The following EYA2 variants were observed in gnomAD, a reference collection of about 807,000 sequenced individuals.
EYA2 encodes the protein EYA transcriptional coactivator and phosphatase 2.
Under a neutral mutation model 69.2 loss-of-function variants are expected in EYA2, and 31 were observed. The observed-to-expected ratio is 0.45, with a 90% CI of 0.34 to 0.60. The LOEUF (loss-of-function observed/expected upper bound fraction) is 0.60, where lower values mean the gene tolerates loss of function less well. Ranked by LOEUF, EYA2 falls within the 20% of genes least tolerant of loss-of-function variation. The pLI is 0.02. For synonymous variants in EYA2, 257 were observed against 279.4 expected, an observed-to-expected ratio of 0.92 and a Z score of 0.80; for missense variants, 622 against 701.2, an observed-to-expected ratio of 0.89 and a Z score of 1.28.
chr20:46,999,954 T>C (rs1982254260), intron 2 of EYA2, among the ~76,000 whole-genome samples: 1 of 152,200 alleles, frequency 6.6e-6, no homozygotes, highest in African/African-American at 2.4e-5. Context: ...ATAGTCAACC[T>C]CTAAGTGAAT....
At chr20:46,987,927 T>C (rs182673957) in intron 1 of EYA2, among the ~76,000 whole-genome samples, 727 of 22,524 alleles carry the variant, frequency 0.032, 57 homozygotes, top group South Asian at 0.052. Flanking sequence ...TCTCTCTCTC[T>C]CTCTCTCTCT....
At chr20:46,928,611 A>G (rs919686805) in intron 1 of EYA2, among the ~76,000 whole-genome samples, 14 of 152,238 alleles carry the variant, frequency 9.2e-5, no homozygotes, top group African/African-American at 3.4e-4. Flanking sequence ...GCCTGGGCCC[A>G]TCACCACCCC....
intron 12 of EYA2, among the ~76,000 whole-genome samples, chr20:47,174,541 C>G (rs1320392637): frequency 6.6e-6 from 1 of 152,180 alleles, no homozygotes; most frequent in Non-Finnish European, 1.5e-5. Flanking sequence ...TCTACTGTCC[C>G]TGGAGCTTTC....
intron 1 of EYA2, among the ~76,000 whole-genome samples, chr20:46,945,291 C>G (rs1285653024): frequency 6.6e-6 from 1 of 152,142 alleles, no homozygotes; most frequent in Admixed American, 6.5e-5. Context: ...AGGACAGTGC[C>G]TGGCAGTTCG....
At chr20:47,064,974 G>A (rs570236686) in intron 5 of EYA2, among the ~76,000 whole-genome samples, 5 of 152,276 alleles carry the variant, frequency 3.3e-5, no homozygotes, top group South Asian at 2.1e-4. Context: ...ACATGGCTGC[G>A]GAGGCCTCAC....
chr20:47,144,185 G>A (rs925991258), intron 10 of EYA2, among the ~76,000 whole-genome samples: 2 of 151,992 alleles, frequency 1.3e-5, no homozygotes, highest in South Asian at 2.1e-4. Context: ...GCGAAACCCC[G>A]TCTCTACTAA....
At chr20:46,992,039 A>G (rs112099691) in intron 2 of EYA2, among the ~76,000 whole-genome samples, 2,407 of 136,924 alleles carry the variant, frequency 0.018, 56 homozygotes, top group African/African-American at 0.06. Context: ...GGCTGCCACC[A>G]GTAGGAGCTG....
chr20:46,985,054 TAAAAC>T (rs1001313838), intron 1 of EYA2, among the ~76,000 whole-genome samples: 12 of 152,216 alleles, frequency 7.9e-5, no homozygotes, highest in Non-Finnish European at 1.2e-4. Context: ...ATGCCACACA[TAAAAC>T]AACATGGCAT....
intron 15 of EYA2, among the ~76,000 whole-genome samples, chr20:47,185,719 G>T (rs563508071): frequency 6.6e-6 from 1 of 152,192 alleles, no homozygotes; most frequent in Non-Finnish European, 1.5e-5. Flanking sequence ...GCAGTGAGAA[G>T]GCGTTGAAGA....
At chr20:47,132,406 C>T (rs946356400) in intron 9 of EYA2, among the ~76,000 whole-genome samples, 2 of 152,202 alleles carry the variant, frequency 1.3e-5, no homozygotes, top group South Asian at 2.1e-4. Flanking sequence ...AATTTCTCAG[C>T]GGGAGAAGTC....
intron 9 of EYA2, among the ~76,000 whole-genome samples, chr20:47,099,526 C>CAA (rs2032363587): frequency 1.3e-5 from 2 of 152,016 alleles, no homozygotes; most frequent in African/African-American, 4.8e-5. Flanking sequence ...CAATCAATCA[C>CAA]TCAATCAATA....
intron 9 of EYA2, among the ~76,000 whole-genome samples, chr20:47,133,172 A>G (rs1029885612): frequency 1.4e-5 from 2 of 140,606 alleles, no homozygotes; most frequent in African/African-American, 4.8e-5. Flanking sequence ...ATCTGTGTGC[A>G]CTGTCAGGAA....
At chr20:46,999,268 ATG>A (rs1221651792) in intron 2 of EYA2, among the ~76,000 whole-genome samples, 6 of 152,278 alleles carry the variant, frequency 3.9e-5, no homozygotes, top group African/African-American at 1.4e-4. Context: ...TTTACGAGGA[ATG>A]AGATTGTGGC....
At chr20:47,028,351 A>G (rs999392736) in intron 5 of EYA2, among the ~76,000 whole-genome samples, 5 of 152,260 alleles carry the variant, frequency 3.3e-5, no homozygotes, top group Non-Finnish European at 5.9e-5. Flanking sequence ...TAGACATGCA[A>G]AAGCAGAAAT....
In EYA2 at chr20:46,972,707, C is replaced by T. The variant is rs141539309; in HGVS notation, c.-10-17294C>T. On this transcript the variant is annotated intron_variant, in intron 1 of 15. Transcript: ENST00000327619. Reference sequence around the variant, plus strand: ...CAGAGAAGTCAAGGAAGATCCCACACCATTAGCAAGTGGCAGAGCCAGGAT... The same window carrying T: ...CAGAGAAGTCAAGGAAGATCCCACATCATTAGCAAGTGGCAGAGCCAGGAT... Among the ~76,000 whole-genome samples, 104 of 152,238 alleles carry T rather than the reference C, an allele frequency of 6.8e-4. No individual in the cohort carries two copies. In the East Asian group the frequency reaches 0.02, roughly 29 times the overall value.
At chr20:47,026,455 C>T (rs138030724) in intron 5 of EYA2, among the ~76,000 whole-genome samples, 104 of 150,014 alleles carry the variant, frequency 6.9e-4, no homozygotes, top group African/African-American at 2.2e-3. Flanking sequence ...TTTTTTGGCA[C>T]GGCAAAGAAC....
chr20:46,899,914 T>C (rs1328657356), intron 1 of EYA2, among the ~76,000 whole-genome samples: 1 of 152,218 alleles, frequency 6.6e-6, no homozygotes, highest in Non-Finnish European at 1.5e-5. Flanking sequence ...CCTTCAGATA[T>C]ATGCAGAAAT....
chr20:47,175,512 A>G (rs1404058253), intron 12 of EYA2, among the ~76,000 whole-genome samples: 1 of 151,258 alleles, frequency 6.6e-6, no homozygotes, highest in Admixed American at 6.6e-5. Flanking sequence ...AGTGTCTGCA[A>G]TATACACAAT....
intron 5 of EYA2, among the ~76,000 whole-genome samples, chr20:47,067,281 A>G (rs940445817): frequency 7.9e-5 from 12 of 152,194 alleles, no homozygotes; most frequent in East Asian, 1.9e-4. Flanking sequence ...TTTTGCAAGT[A>G]GGGTCACCAT....
Sources: gnomAD v4.1 joint callset for allele counts (sites outside exome capture counted in the v4.1 genomes callset) on GRCh38, gnomAD v4.1.1 for gene constraint, MANE v1.5 for transcripts, NCBI Gene and HGNC (gene_info 2026-07-23, HGNC 2026-07-21) for gene names.